The following CSRNP3 variants were observed in gnomAD, a reference collection of about 807,000 sequenced individuals.
CSRNP3 encodes the protein cysteine and serine rich nuclear protein 3.
In CSRNP3, 12 loss-of-function variants were observed where a neutral mutation model predicts 48.0. That is an observed-to-expected ratio of 0.25 (90% CI 0.16 to 0.41). The LOEUF (loss-of-function observed/expected upper bound fraction) is 0.41. CSRNP3 is among the 10% of genes least tolerant of loss of function. The probability of loss-of-function intolerance (pLI) is 1.00; values close to 1 mark genes in which losing one functional copy is unlikely to be tolerated. For synonymous variants in CSRNP3, 263 were observed against 269.7 expected (o/e 0.98, Z 0.24); for missense variants, 580 against 724.4 (o/e 0.80, Z 2.29).
intron 1 of CSRNP3, among the ~76,000 whole-genome samples, chr2:165,472,146 G>A (rs1043153969): frequency 1.3e-5 from 2 of 151,916 alleles, no homozygotes; most frequent in African/African-American, 4.8e-5. Flanking sequence ...ATTTTTTAAT[G>A]TATCAATCAC....
chr2:165,539,225 C>T (rs1684921764), intron 3 of CSRNP3, among the ~76,000 whole-genome samples: 1 of 151,974 alleles, frequency 6.6e-6, no homozygotes. Flanking sequence ...TCAATATGCA[C>T]TGTTTTTACT....
At chr2:165,483,688 G>A (rs908254799) in intron 1 of CSRNP3, among the ~76,000 whole-genome samples, 5 of 152,164 alleles carry the variant, frequency 3.3e-5, no homozygotes, top group African/African-American at 9.7e-5. Flanking sequence ...CAAGATCAAG[G>A]TGCTGATAGA....
chr2:165,627,429 T>C (rs868234231), intron 4 of CSRNP3, among the ~76,000 whole-genome samples: 1 of 152,200 alleles, frequency 6.6e-6, no homozygotes, highest in African/African-American at 2.4e-5. Flanking sequence ...ACAGGCAGCT[T>C]TTCTGAGTTC....
chr2:165,494,318 A>T (rs1379326327), intron 1 of CSRNP3, among the ~76,000 whole-genome samples: 2 of 152,054 alleles, frequency 1.3e-5, no homozygotes, highest in Non-Finnish European at 2.9e-5. Context: ...ACCTGAGAAA[A>T]AAGAAATCCC....
At chr2:165,664,455 C>T (rs1011305608) in intron 5 of CSRNP3, among the ~76,000 whole-genome samples, 19 of 152,218 alleles carry the variant, frequency 1.2e-4, no homozygotes, top group African/African-American at 4.6e-4. Flanking sequence ...CCGAATTCTG[C>T]CCCATAAGTA....
intron 2 of CSRNP3, among the ~76,000 whole-genome samples, chr2:165,513,758 C>T (rs1183279419): frequency 6.6e-6 from 1 of 152,134 alleles, no homozygotes; most frequent in African/African-American, 2.4e-5. Context: ...TGGAAGAGTG[C>T]CTTGACCATT....
chr2:165,611,944 T>C (rs1025890224), intron 4 of CSRNP3, among the ~76,000 whole-genome samples: 1 of 152,146 alleles, frequency 6.6e-6, no homozygotes, highest in African/African-American at 2.4e-5. Flanking sequence ...ATAAAATCTT[T>C]GTAATTTACT....
rs1163396945 is a variant in CSRNP3, at chr2:165,681,782, C to CAT, written c.*2037_*2038dup. The CAT allele has an allele frequency of 2.3e-5, 3 of 131,810 alleles. No individual in the cohort carries two copies. The highest frequency in any genetic ancestry group is 5.8e-5 in the African/African-American group (2 of 34,422). 8.2% of individuals were successfully genotyped at this position (131,810 alleles called of 1,614,324 possible). A position where few individuals can be genotyped will look rare whatever the true frequency, so the allele number is the denominator to read the frequency against. ...ATATACACACACACACACACATACA[C>CAT]ATATATATACACATATATGTATGTG... On this transcript the variant is annotated 3_prime_UTR_variant, in exon 7 of 7. Transcript: ENST00000651982.
intron 1 of CSRNP3, among the ~76,000 whole-genome samples, chr2:165,482,310 C>A (rs960217680): frequency 4.7e-5 from 7 of 149,888 alleles, no homozygotes; most frequent in Non-Finnish European, 1.0e-4. Flanking sequence ...GTTGCCCAGG[C>A]TGGAGTGCAG....
intron 5 of CSRNP3, among the ~76,000 whole-genome samples, chr2:165,662,538 A>T (rs572463108): frequency 7.2e-5 from 11 of 152,328 alleles, no homozygotes; most frequent in Admixed American, 2.6e-4. Flanking sequence ...TCTTAATACT[A>T]TACACTTTTC....
At chr2:165,570,999 C>A (rs1322066969) in intron 3 of CSRNP3, among the ~76,000 whole-genome samples, 2 of 151,788 alleles carry the variant, frequency 1.3e-5, no homozygotes, top group Non-Finnish European at 2.9e-5. Flanking sequence ...ACCATACTTA[C>A]CTATTCTGGT....
At chr2:165,629,630 G>T (rs1344006039) in intron 4 of CSRNP3, among the ~76,000 whole-genome samples, 1 of 152,110 alleles carries the variant, frequency 6.6e-6, no homozygotes, top group Non-Finnish European at 1.5e-5. Context: ...TAAATCAGAG[G>T]CAGAGTGAAA....
intron 3 of CSRNP3, among the ~76,000 whole-genome samples, chr2:165,543,512 C>G (rs1032586259): frequency 6.6e-6 from 1 of 151,928 alleles, no homozygotes; most frequent in African/African-American, 2.4e-5. Context: ...TGTTTTCTAT[C>G]TATTTTTAAA....
chr2:165,656,341 A>G (rs1228906946), intron 4 of CSRNP3, among the ~76,000 whole-genome samples: 1 of 152,126 alleles, frequency 6.6e-6, no homozygotes, highest in Non-Finnish European at 1.5e-5. Flanking sequence ...CTTCTCAACT[A>G]CAGTCAGTGT....
intron 3 of CSRNP3, among the ~76,000 whole-genome samples, chr2:165,562,457 C>A (rs561281829): frequency 2.6e-4 from 40 of 152,276 alleles, no homozygotes; most frequent in African/African-American, 9.6e-4. Flanking sequence ...ATCCAATTCT[C>A]ATAACCCTGT....
intron 4 of CSRNP3, among the ~76,000 whole-genome samples, chr2:165,642,793 CT>C (rs773878954): frequency 6.6e-6 from 1 of 152,116 alleles, no homozygotes; most frequent in Non-Finnish European, 1.5e-5. Context: ...AACTCCTGAC[CT>C]CAGGTGATCT....
chr2:165,554,953 C>G (rs1481051918), intron 3 of CSRNP3, among the ~76,000 whole-genome samples: 1 of 152,172 alleles, frequency 6.6e-6, no homozygotes, highest in Admixed American at 6.5e-5. Flanking sequence ...CTCACTTGCT[C>G]CTCGTCTCCA....
chr2:165,520,783 T>TATTATATACA (rs1491513009), intron 3 of CSRNP3, among the ~76,000 whole-genome samples: 10 of 29,730 alleles, frequency 3.4e-4, no homozygotes, highest in African/African-American at 1.8e-3. Context: ...TATATATATA[T>TATTATATACA]TATATATATA....
intron 3 of CSRNP3, among the ~76,000 whole-genome samples, chr2:165,579,096 A>G (rs1329041516): frequency 6.6e-6 from 1 of 152,178 alleles, no homozygotes; most frequent in African/African-American, 2.4e-5. Context: ...CCTGGTGCTG[A>G]TGAGGCAAGT....
Sources: allele counts gnomAD v4.1 joint callset (sites outside exome capture counted in the v4.1 genomes callset), GRCh38; gene constraint gnomAD v4.1.1; transcripts MANE v1.5; gene names NCBI Gene and HGNC (gene_info 2026-07-23, HGNC 2026-07-21).